The following DLG2 variants were observed in gnomAD, a reference collection of about 807,000 sequenced individuals.
The protein encoded by DLG2 is discs large MAGUK scaffold protein 2.
Under a neutral mutation model 132.5 loss-of-function variants are expected in DLG2, and 45 were observed. The ratio of observed to expected loss-of-function variants is 0.34; its 90% CI spans 0.27 to 0.44. The LOEUF (loss-of-function observed/expected upper bound fraction) is 0.44, where lower values mean the gene tolerates loss of function less well. Ranked by LOEUF, DLG2 falls within the 20% of genes least tolerant of loss-of-function variation. The probability of loss-of-function intolerance (pLI) is 1.00; values close to 1 mark genes in which losing one functional copy is unlikely to be tolerated. For missense variants in DLG2, 1,045 were observed against 1,196.9 expected, an observed-to-expected ratio of 0.87 and a Z score of 1.87; for synonymous variants, 424 against 419.6, an observed-to-expected ratio of 1.01 and a Z score of -0.13.
At chr11:83,475,706 C>G (rs1354999199) in intron 22 of DLG2, among the ~76,000 whole-genome samples, 1 of 140,196 alleles carries the variant, frequency 7.1e-6, no homozygotes, top group African/African-American at 2.6e-5. Context: ...CTTTTCTTTT[C>G]TCTCTTCTTT....
chr11:84,845,995 TG>T (rs2081423653), intron 6 of DLG2, among the ~76,000 whole-genome samples: 1 of 152,006 alleles, frequency 6.6e-6, no homozygotes, highest in Non-Finnish European at 1.5e-5. Context: ...TGATTATCAT[TG>T]TACCTCAAGG....
At chr11:83,757,670 C>T (rs73511047) in intron 18 of DLG2, among the ~76,000 whole-genome samples, 3,040 of 152,208 alleles carry the variant, frequency 0.02, 108 homozygotes, top group African/African-American at 0.07. Flanking sequence ...CTCAGGGTTG[C>T]TTAAAGGAGA....
chr11:84,908,735 A>AC (rs1490926321), intron 6 of DLG2, among the ~76,000 whole-genome samples: 1 of 151,726 alleles, frequency 6.6e-6, no homozygotes, highest in Non-Finnish European at 1.5e-5. Flanking sequence ...TGTATAAGAC[A>AC]CCATGGAGGG....
chr11:85,502,246 C>T (rs530299636), intron 3 of DLG2, among the ~76,000 whole-genome samples: 1 of 151,992 alleles, frequency 6.6e-6, no homozygotes, highest in African/African-American at 2.4e-5. Flanking sequence ...GGGAGGGGAA[C>T]ATCACACACC....
intron 18 of DLG2, among the ~76,000 whole-genome samples, chr11:83,758,653 C>T (rs148128042): frequency 8.5e-5 from 13 of 152,094 alleles, no homozygotes; most frequent in Middle Eastern, 3.4e-3. Flanking sequence ...CATAGGCATG[C>T]TTTGAGATTA....
chr11:84,293,469 T>A (rs2098037706), intron 7 of DLG2, among the ~76,000 whole-genome samples: 1 of 151,638 alleles, frequency 6.6e-6, no homozygotes, highest in Admixed American at 6.6e-5. Flanking sequence ...AGCTCAGGAG[T>A]TCAAGACCAG....
At chr11:83,957,717 C>T (rs1455181063) in intron 14 of DLG2, among the ~76,000 whole-genome samples, 1 of 152,104 alleles carries the variant, frequency 6.6e-6, no homozygotes, top group African/African-American at 2.4e-5. Flanking sequence ...TCTGCCTGCT[C>T]CCATTATCTC....
At chr11:84,036,585 AATT>A (rs1220678114) in intron 11 of DLG2, among the ~76,000 whole-genome samples, 1 of 152,102 alleles carries the variant, frequency 6.6e-6, no homozygotes, top group African/African-American at 2.4e-5. Context: ...CATTTCTCAC[AATT>A]ATGTTTTCTT....
chr11:85,535,550 T>C (rs2153196966), intron 3 of DLG2, among the ~76,000 whole-genome samples: 1 of 152,260 alleles, frequency 6.6e-6, no homozygotes, highest in South Asian at 2.1e-4. Flanking sequence ...TGCAAATTAG[T>C]GAAACCACAT....
At chr11:84,027,738 C>G (rs1332071298) in intron 11 of DLG2, among the ~76,000 whole-genome samples, 1 of 151,934 alleles carries the variant, frequency 6.6e-6, no homozygotes, top group Admixed American at 6.6e-5. Context: ...ATTAATTCAG[C>G]AAAAGTTGGA....
intron 4 of DLG2, among the ~76,000 whole-genome samples, chr11:85,227,694 C>A (rs948220165): frequency 1.3e-5 from 2 of 151,982 alleles, no homozygotes; most frequent in Non-Finnish European, 2.9e-5. Context: ...TGTTCAAAAC[C>A]CCCTCCAATG....
At chr11:84,208,823 T>C (rs1171286295) in intron 8 of DLG2, among the ~76,000 whole-genome samples, 1 of 152,198 alleles carries the variant, frequency 6.6e-6, no homozygotes, top group Non-Finnish European at 1.5e-5. Flanking sequence ...AGTTTACATG[T>C]ATACTGGTAT....
intron 3 of DLG2, among the ~76,000 whole-genome samples, chr11:85,363,885 T>C (rs938128453): frequency 6.6e-6 from 1 of 152,220 alleles, no homozygotes; most frequent in Non-Finnish European, 1.5e-5. Flanking sequence ...AGTTTGTATA[T>C]TACAAGTTGA....
chr11:83,994,432 C>A (rs1197167670), intron 11 of DLG2, among the ~76,000 whole-genome samples: 1 of 152,094 alleles, frequency 6.6e-6, no homozygotes, highest in Non-Finnish European at 1.5e-5. Flanking sequence ...GGGGTCTATG[C>A]TATGTTGTCC....
At chr11:83,466,885 CTAATG>C in intron 25 of DLG2, 68 bp from the exon 26 acceptor site, 2 of 1,077,190 alleles carry the variant, frequency 1.9e-6, no homozygotes, top group Non-Finnish European at 2.9e-6. Context: ...CAAAAGGAAA[CTAATG>C]TATGTAGGTT....
At chr11:84,285,856 T>TTC (rs1432998137) in intron 7 of DLG2, among the ~76,000 whole-genome samples, 2 of 152,224 alleles carry the variant, frequency 1.3e-5, no homozygotes, top group Non-Finnish European at 2.9e-5. Context: ...ATCATCTATA[T>TTC]ATAGATAGTG....
chr11:85,180,514 C>T (rs2079619434), intron 4 of DLG2, among the ~76,000 whole-genome samples: 1 of 151,804 alleles, frequency 6.6e-6, no homozygotes, highest in African/African-American at 2.4e-5. Flanking sequence ...AAATAAACTG[C>T]ATACTTAATA....
At chr11:83,611,158 G>A (rs2153409731) in intron 19 of DLG2, among the ~76,000 whole-genome samples, 1 of 152,246 alleles carries the variant, frequency 6.6e-6, no homozygotes, top group African/African-American at 2.4e-5. Context: ...CACAGTTTTG[G>A]CACTGGATCT....
chr11:83,797,513 G>A (rs1180595486), intron 17 of DLG2, among the ~76,000 whole-genome samples: 1 of 149,110 alleles, frequency 6.7e-6, no homozygotes, highest in Non-Finnish European at 1.5e-5. Flanking sequence ...TTTTTTTTTT[G>A]TTTTGTTTTT....
Sources: allele counts gnomAD v4.1 joint callset (sites outside exome capture counted in the v4.1 genomes callset), GRCh38; gene constraint gnomAD v4.1.1; transcripts MANE v1.5; gene names NCBI Gene and HGNC (gene_info 2026-07-23, HGNC 2026-07-21).